Variants in TMC1 observed in about 807,000 individuals in gnomAD.
The protein encoded by TMC1 is transmembrane channel-like protein 1.
In TMC1, 84 loss-of-function variants were observed where a neutral mutation model predicts 105.8. The ratio of observed to expected loss-of-function variants is 0.79; its 90% CI spans 0.67 to 0.95. The LOEUF (loss-of-function observed/expected upper bound fraction) is 0.95, where lower values mean the gene tolerates loss of function less well. Ranked by LOEUF, TMC1 falls within the 40% of genes least tolerant of loss-of-function variation. TMC1 has a pLI of 0.00. For missense variants in TMC1, 817 were observed against 914.1 expected (o/e 0.89, Z 1.37); for synonymous variants, 315 against 311.5 (o/e 1.01, Z -0.12).
Position 72,837,094 on chromosome 9 carries a change from G to C in TMC1, c.*1121G>C, listed in dbSNP as rs71507809. The C allele has an allele frequency of 1.3e-5, 2 of 152,328 alleles. No homozygotes were observed. The highest frequency in any genetic ancestry group is 2.9e-5 in the Non-Finnish European group (2 of 68,232). 9.4% of individuals were successfully genotyped at this position (152,328 alleles called of 1,614,324 possible). A position where few individuals can be genotyped will look rare whatever the true frequency, so the allele number is the denominator to read the frequency against. On this transcript the variant is annotated 3_prime_UTR_variant, in exon 24 of 24. Transcript: ENST00000297784. ...GATTTTTTTGGCGGATGGGCTGTCCGTGTGGATGGTGGCCTGCCGGCAGTT... is the reference window on the plus strand; with the variant it reads ...GATTTTTTTGGCGGATGGGCTGTCCCTGTGGATGGTGGCCTGCCGGCAGTT...
intron 8 of TMC1, among the ~76,000 whole-genome samples, chr9:72,736,233 T>C (rs1373582523): frequency 6.6e-6 from 1 of 152,186 alleles, no homozygotes; most frequent in Non-Finnish European, 1.5e-5. Context: ...ATAAAACTTG[T>C]TTATATTGTT....
intron 4 of TMC1, among the ~76,000 whole-genome samples, chr9:72,635,799 C>G (rs1340561252): frequency 6.6e-6 from 1 of 152,150 alleles, no homozygotes; most frequent in African/African-American, 2.4e-5. Flanking sequence ...CAGAGCCTGT[C>G]ATTAGGCATT....
intron 3 of TMC1, among the ~76,000 whole-genome samples, chr9:72,626,540 A>C (rs1165289033): frequency 6.6e-6 from 1 of 152,246 alleles, no homozygotes; most frequent in Non-Finnish European, 1.5e-5. Flanking sequence ...AAACATTTGC[A>C]AGGAGACAGA....
At chr9:72,764,721 G>T (rs944024951) in intron 12 of TMC1, among the ~76,000 whole-genome samples, 1 of 152,136 alleles carries the variant, frequency 6.6e-6, no homozygotes, top group African/African-American at 2.4e-5. Context: ...TCTAACTGAG[G>T]ATTGCTAATG....
At chr9:72,629,186 A>G (rs1485133768) in intron 4 of TMC1, among the ~76,000 whole-genome samples, 1 of 152,210 alleles carries the variant, frequency 6.6e-6, no homozygotes, top group African/African-American at 2.4e-5. Flanking sequence ...CATTGAGCCT[A>G]TGAATGGCAG....
intron 1 of TMC1, among the ~76,000 whole-genome samples, chr9:72,546,151 G>A (rs923741848): frequency 2.0e-5 from 3 of 151,860 alleles, no homozygotes; most frequent in East Asian, 1.9e-4. Flanking sequence ...AAATTAGCCC[G>A]GCGTGGTGGT....
chr9:72,700,436 A>C, intron 7 of TMC1, 82 bp from the exon 8 acceptor site: 1 of 1,234,146 alleles, frequency 8.1e-7, no homozygotes, highest in East Asian at 2.7e-5. Context: ...AAATGAGCTA[A>C]ATATCTGATA....
chr9:72,578,654 A>G (rs1824428107), intron 2 of TMC1, among the ~76,000 whole-genome samples: 1 of 152,186 alleles, frequency 6.6e-6, no homozygotes, highest in Non-Finnish European at 1.5e-5. Flanking sequence ...GGAGGTTACA[A>G]AAGCATTTAC....
At chr9:72,720,774 G>A (rs1827009323) in intron 8 of TMC1, among the ~76,000 whole-genome samples, 2 of 152,038 alleles carry the variant, frequency 1.3e-5, no homozygotes, top group Non-Finnish European at 2.9e-5. Context: ...ATAATGATTT[G>A]GTCTTTTCAT....
chr9:72,750,847 A>G (rs762529619), intron 10 of TMC1, among the ~76,000 whole-genome samples: 20 of 151,980 alleles, frequency 1.3e-4, no homozygotes, highest in Non-Finnish European at 2.6e-4. Flanking sequence ...ATGTACTCCA[A>G]CTGCACAGGC....
intron 5 of TMC1, among the ~76,000 whole-genome samples, chr9:72,669,483 T>C (rs924953379): frequency 1.3e-5 from 2 of 152,178 alleles, no homozygotes; most frequent in African/African-American, 4.8e-5. Context: ...TATTCTAACT[T>C]TATAATCTGT....
At chr9:72,776,141 A>G (rs147572661) in intron 13 of TMC1, among the ~76,000 whole-genome samples, 220 of 152,270 alleles carry the variant, frequency 1.4e-3, no homozygotes, top group Non-Finnish European at 2.8e-3. Flanking sequence ...AATAATACTC[A>G]TAGAATGGAC....
intron 7 of TMC1, among the ~76,000 whole-genome samples, chr9:72,698,547 C>T (rs554353582): frequency 1.6e-4 from 24 of 152,158 alleles, no homozygotes; most frequent in African/African-American, 5.5e-4. Context: ...GGAGAAACTT[C>T]AACAGTTAAT....
chr9:72,650,437 G>GT (rs1210705971), intron 5 of TMC1, among the ~76,000 whole-genome samples: 1 of 152,128 alleles, frequency 6.6e-6, no homozygotes, highest in Non-Finnish European at 1.5e-5. Context: ...GTAAAGGAAA[G>GT]ATAAGTGATG....
At chr9:72,712,551 T>G (rs1175282614) in intron 8 of TMC1, among the ~76,000 whole-genome samples, 1 of 152,252 alleles carries the variant, frequency 6.6e-6, no homozygotes. Context: ...AGTTCACTCA[T>G]GATTTGGCTC....
At chr9:72,571,844 C>T (rs1824291151) in intron 1 of TMC1, among the ~76,000 whole-genome samples, 1 of 142,146 alleles carries the variant, frequency 7.0e-6, no homozygotes, top group Non-Finnish European at 1.6e-5. Flanking sequence ...AGATTGCTTA[C>T]TTTTTTTTTT....
intron 1 of TMC1, among the ~76,000 whole-genome samples, chr9:72,562,309 C>T (rs1213698232): frequency 3.3e-5 from 5 of 152,264 alleles, no homozygotes; most frequent in South Asian, 2.1e-4. Context: ...TTCCTTTGTA[C>T]GTAAAACATC....
At chr9:72,779,005 C>T (rs906397008) in intron 13 of TMC1, among the ~76,000 whole-genome samples, 14 of 152,256 alleles carry the variant, frequency 9.2e-5, no homozygotes, top group African/African-American at 3.4e-4. Context: ...CCCACTGCCA[C>T]TGCCCCGACA....
chr9:72,745,092 A>G (rs762012328), intron 10 of TMC1, among the ~76,000 whole-genome samples: 1 of 152,186 alleles, frequency 6.6e-6, no homozygotes, highest in Non-Finnish European at 1.5e-5. Flanking sequence ...TTCACTGTTA[A>G]TGGTGCTTTG....
Sources: gnomAD v4.1 joint callset for allele counts (sites outside exome capture counted in the v4.1 genomes callset) on GRCh38, gnomAD v4.1.1 for gene constraint, MANE v1.5 for transcripts, NCBI Gene and HGNC (gene_info 2026-07-23, HGNC 2026-07-21) for gene names.